Variants in MYO10 observed in about 807,000 individuals in gnomAD.
MYO10 encodes the protein unconventional myosin-X.
In MYO10, 133 loss-of-function variants were observed where a neutral mutation model predicts 257.3. That is an observed-to-expected ratio of 0.52 (90% CI 0.45 to 0.60). The LOEUF (loss-of-function observed/expected upper bound fraction) is 0.60, where lower values mean the gene tolerates loss of function less well. MYO10 is among the 20% of genes least tolerant of loss of function. The probability of loss-of-function intolerance (pLI) is 0.00; values close to 1 mark genes in which losing one functional copy is unlikely to be tolerated. For synonymous variants in MYO10, 1,104 were observed against 1,028.6 expected (o/e 1.07, Z -1.40); for missense variants, 2,399 against 2,635.7 (o/e 0.91, Z 1.97).
At chr5:16,735,554 A>G (rs1396092576) in intron 19 of MYO10, among the ~76,000 whole-genome samples, 1 of 152,010 alleles carries the variant, frequency 6.6e-6, no homozygotes, top group South Asian at 2.1e-4. Context: ...AAAATAAACA[A>G]AATTAGCTGG....
intron 33 of MYO10, among the ~76,000 whole-genome samples, chr5:16,679,506 A>C (rs2126490341): frequency 6.9e-6 from 1 of 145,402 alleles, no homozygotes. Flanking sequence ...AATTTAACCA[A>C]GCGCTAGTTT....
rs529582935 is a variant in MYO10, at chr5:16,755,538, C to T, written c.1849-630G>A. Among the ~76,000 whole-genome samples, 7 of 152,262 alleles carry T rather than the reference C, an allele frequency of 4.6e-5. No individual in the cohort carries two copies. In the East Asian group the frequency reaches 1.4e-3, roughly 29 times the overall value. On this transcript the variant is annotated intron_variant, in intron 18 of 40. Coordinates refer to ENST00000513610, the MANE Select transcript of MYO10 (RefSeq NM_012334.3). ...TCCTAGGATATTTCAACGTTTAGTA[C>T]AGAAAAACTGAGAAATAGCCACTCT...
chr5:16,758,984 C>T (rs967104831), intron 17 of MYO10, among the ~76,000 whole-genome samples: 2 of 151,676 alleles, frequency 1.3e-5, no homozygotes, highest in Admixed American at 1.3e-4. Context: ...TGCAGTGGTG[C>T]GATCTCGGCT....
intron 32 of MYO10, 24 bp downstream of exon 32, chr5:16,681,285 G>T: frequency 6.3e-7 from 1 of 1,595,260 alleles, no homozygotes; most frequent in Non-Finnish European, 8.5e-7. Flanking sequence ...TGATGCTCAG[G>T]GTTCGGGCAG....
At position 16,846,856 on chromosome 5, in the gene MYO10, G is replaced by C. The variant is rs551204514; in HGVS notation, c.121-28689C>G. On this transcript the variant is annotated intron_variant, in intron 2 of 40. Transcript: ENST00000513610. ...TTTAAGGCCACGTGCGGTGGCTCAC[G>C]CCTGTAATCCCAGCACTTTGGGAGG... Among the ~76,000 whole-genome samples the C allele has an allele frequency of 2.6e-4, 39 of 152,282 alleles. No individual in the cohort carries two copies. The South Asian group carries it at 8.1e-3, about 32-fold the overall frequency.
intron 4 of MYO10, among the ~76,000 whole-genome samples, chr5:16,789,404 G>C (rs146279096): frequency 2.6e-5 from 4 of 152,190 alleles, no homozygotes; most frequent in Admixed American, 6.5e-5. Flanking sequence ...GATGAACTTG[G>C]GAAACTTCTC....
In MYO10 at chr5:16,694,492, A is replaced by C. The variant is rs761620757; in HGVS notation, c.3679T>G (p.Ser1227Ala). 1 of 1,613,952 alleles carries C rather than the reference A, an allele frequency of 6.2e-7. No individual in the cohort carries two copies. The highest frequency in any genetic ancestry group is 8.5e-7 in the Non-Finnish European group (1 of 1,179,868). The change falls in exon 27 of 41, where the codon TCC (serine) becomes GCC (alanine). Residue 1227 changes from serine to alanine, a missense_variant. Coordinates refer to ENST00000513610, the MANE Select transcript of MYO10 (RefSeq NM_012334.3). ...TTCCAATTTCTCCTGGACAGCGTGG[A>C]GGAGCCCCCCCCTTTTTTGTGGAGC... Reference protein sequence around the residue: ...GWLHKKGGGSSTLSRRNWKKR... With the variant: ...GWLHKKGGGSATLSRRNWKKR...
chr5:16,893,089 C>A (rs530479622), intron 1 of MYO10, among the ~76,000 whole-genome samples: 1 of 146,660 alleles, frequency 6.8e-6, no homozygotes. Flanking sequence ...CCCAGCTACT[C>A]GGGAGGCTGA....
At chr5:16,728,654 GC>G (rs1739464067) in intron 19 of MYO10, among the ~76,000 whole-genome samples, 1 of 152,172 alleles carries the variant, frequency 6.6e-6, no homozygotes, top group Non-Finnish European at 1.5e-5. Flanking sequence ...GAGCCAGTGG[GC>G]AAGACAAGAC....
At chr5:16,771,751 T>C (rs987689468) in intron 9 of MYO10, among the ~76,000 whole-genome samples, 1 of 151,174 alleles carries the variant, frequency 6.6e-6, no homozygotes, top group East Asian at 2.0e-4. Context: ...GGCTAAATTT[T>C]TGTATTTTTA....
chr5:16,812,948 T>C (rs557632245), intron 3 of MYO10, among the ~76,000 whole-genome samples: 2 of 151,666 alleles, frequency 1.3e-5, no homozygotes, highest in East Asian at 1.9e-4. Context: ...TTTTTATCAC[T>C]TTCTACCCCA....
At chr5:16,726,174 G>C (rs6554944) in intron 19 of MYO10, among the ~76,000 whole-genome samples, 13,561 of 152,118 alleles carry the variant, frequency 0.089, 773 homozygotes, top group African/African-American at 0.15. Context: ...ACAAGTTTAC[G>C]TCCAAAGTGA....
At chr5:16,730,282 A>G (rs1352154058) in intron 19 of MYO10, among the ~76,000 whole-genome samples, 2 of 152,186 alleles carry the variant, frequency 1.3e-5, no homozygotes, top group African/African-American at 2.4e-5. Flanking sequence ...TTAACCGTGT[A>G]GGTCATTATT....
chr5:16,713,699 G>A (rs970866870), intron 19 of MYO10, among the ~76,000 whole-genome samples: 4 of 152,208 alleles, frequency 2.6e-5, no homozygotes, highest in South Asian at 2.1e-4. Flanking sequence ...TCACAATCAC[G>A]AGGGGGTAGA....
chr5:16,817,932 A>G, intron 3 of MYO10, 77 bp downstream of exon 3: 1 of 1,196,278 alleles, frequency 8.4e-7, no homozygotes, highest in Non-Finnish European at 1.1e-6. Flanking sequence ...AAAAGGCAAG[A>G]AATACTCTCT....
At chr5:16,738,792 G>T (rs550644396) in intron 19 of MYO10, among the ~76,000 whole-genome samples, 1 of 151,140 alleles carries the variant, frequency 6.6e-6, no homozygotes, top group Admixed American at 6.6e-5. Context: ...TCAGGAGGCT[G>T]AGGCAGGAGA....
At chr5:16,905,144 G>A (rs182675146) in intron 1 of MYO10, among the ~76,000 whole-genome samples, 6 of 152,232 alleles carry the variant, frequency 3.9e-5, no homozygotes, top group East Asian at 3.9e-4. Context: ...CGGAGGGCAC[G>A]CTGCATCCCT....
rs70943806 is a variant in MYO10, at chr5:16,796,469, AAAAGAAAAGAAAAG to A, written c.280-1650_280-1637del. Reference sequence around the variant, plus strand: ...GAAAGAAAGAAAGAAAGAAAGAAAGAAAAGAAAAGAAAAGAAAGAAAGAAAGAAGGAAAATAAAT... The same window carrying A: ...GAAAGAAAGAAAGAAAGAAAGAAAGAAAAGAAAGAAAGAAGGAAAATAAAT... On this transcript the variant is annotated intron_variant, in intron 3 of 40. Transcript: ENST00000513610. Among the ~76,000 whole-genome samples, 13 of 120,870 alleles carry A rather than the reference AAAAGAAAAGAAAAG, an allele frequency of 1.1e-4. 1 individual carries two copies. The highest frequency in any genetic ancestry group is 6.4e-4 in the Admixed American group (8 of 12,552). The allele number at this position is 120,870 out of a possible 152,430, so 79.3% of individuals were successfully genotyped here.
chr5:16,849,521 A>G (rs1485465336), intron 2 of MYO10, among the ~76,000 whole-genome samples: 1 of 152,210 alleles, frequency 6.6e-6, no homozygotes, highest in Non-Finnish European at 1.5e-5. Flanking sequence ...AGCAAATGTT[A>G]TTCCACAACA....
Sources: gnomAD v4.1 joint callset for allele counts (sites outside exome capture counted in the v4.1 genomes callset) on GRCh38, gnomAD v4.1.1 for gene constraint, MANE v1.5 for transcripts, NCBI Gene and HGNC (gene_info 2026-07-23, HGNC 2026-07-21) for gene names.